The following NXPE4 variants were observed in gnomAD, a reference collection of about 807,000 sequenced individuals.
NXPE4 encodes neurexophilin and PC-esterase domain family member 4, also known as NXPE family member 4.
Under a neutral mutation model 33.3 loss-of-function variants are expected in NXPE4, and 42 were observed. The ratio of observed to expected loss-of-function variants is 1.26; its 90% CI spans 0.98 to 1.63. The LOEUF (loss-of-function observed/expected upper bound fraction) is 1.63. Ranked by LOEUF, NXPE4 falls within the 40% of genes most tolerant of loss-of-function variation. The pLI is 0.00. For missense variants in NXPE4, 709 were observed against 647.6 expected, an observed-to-expected ratio of 1.09 and a Z score of -1.03; for synonymous variants, 253 against 234.9, an observed-to-expected ratio of 1.08 and a Z score of -0.71.
At chr11:114,645,996 T>C in the NXPE4 span, among the ~76,000 whole-genome samples, 1 of 152,142 alleles carries the variant, frequency 6.6e-6, no homozygotes, top group African/African-American at 2.4e-5. Flanking sequence ...TTTATATCTA[T>C]TGGTTAGTAC....
the NXPE4 span, among the ~76,000 whole-genome samples, chr11:114,607,195 T>G: frequency 1.3e-5 from 2 of 151,914 alleles, no homozygotes; most frequent in Admixed American, 1.3e-4. Context: ...GTGACAATTC[T>G]TACCCTGTGG....
At chr11:114,614,025 C>T in the NXPE4 span, among the ~76,000 whole-genome samples, 12 of 151,684 alleles carry the variant, frequency 7.9e-5, no homozygotes, top group Admixed American at 1.3e-4. Context: ...AGTATTGTCT[C>T]GTGGGTAACC....
At chr11:114,612,165 T>C in the NXPE4 span, among the ~76,000 whole-genome samples, 1 of 151,702 alleles carries the variant, frequency 6.6e-6, no homozygotes, top group South Asian at 2.1e-4. Context: ...GCCCAGTGGA[T>C]AATAAGTGTT....
At chr11:114,572,942 A>T (rs1483917353) in intron 5 of NXPE4, among the ~76,000 whole-genome samples, 3 of 152,174 alleles carry the variant, frequency 2.0e-5, no homozygotes, top group Non-Finnish European at 4.4e-5. Flanking sequence ...TGAAGGAAAA[A>T]ATCTTAAGAG....
At chr11:114,583,045 T>C in intron 2 of NXPE4, 24 bp from the exon 3 acceptor site, 1 of 1,583,670 alleles carries the variant, frequency 6.3e-7, no homozygotes, top group Non-Finnish European at 8.6e-7. Context: ...AAATGTGACA[T>C]GAGATGGATA....
At chr11:114,660,276 G>A in the NXPE4 span, among the ~76,000 whole-genome samples, 5 of 151,720 alleles carry the variant, frequency 3.3e-5, no homozygotes, top group Non-Finnish European at 5.9e-5. Context: ...GAAAATAGAA[G>A]CACTTTGCAA....
the NXPE4 span, among the ~76,000 whole-genome samples, chr11:114,633,700 TGA>T: frequency 3.2e-3 from 488 of 150,706 alleles, 3 homozygotes; most frequent in African/African-American, 0.011. Flanking sequence ...CACCTATGAG[TGA>T]GAACATGTGG....
the NXPE4 span, among the ~76,000 whole-genome samples, chr11:114,636,352 C>G: frequency 2.0e-5 from 3 of 151,950 alleles, no homozygotes; most frequent in Admixed American, 1.3e-4. Flanking sequence ...ATTCTTCTCT[C>G]TTTTTTTCTT....
At chr11:114,605,040 G>A in the NXPE4 span, among the ~76,000 whole-genome samples, 1 of 151,580 alleles carries the variant, frequency 6.6e-6, no homozygotes, top group Admixed American at 6.6e-5. Flanking sequence ...TGGATAATAA[G>A]TACTGCCTCG....
chr11:114,575,433 T>A (rs1340745842), intron 5 of NXPE4, among the ~76,000 whole-genome samples: 1 of 152,044 alleles, frequency 6.6e-6, no homozygotes, highest in East Asian at 1.9e-4. Flanking sequence ...ATAGTATACC[T>A]AGAAAACCCT....
At chr11:114,641,283 A>T in the NXPE4 span, among the ~76,000 whole-genome samples, 1 of 152,164 alleles carries the variant, frequency 6.6e-6, no homozygotes, top group South Asian at 2.1e-4. Context: ...TATTTTAAAA[A>T]TTCCAGAAAG....
At chr11:114,650,466 G>T in the NXPE4 span, among the ~76,000 whole-genome samples, 1 of 152,158 alleles carries the variant, frequency 6.6e-6, no homozygotes, top group Non-Finnish European at 1.5e-5. Flanking sequence ...AGGCATGAAG[G>T]AAGTAATTGG....
At chr11:114,625,219 G>A in the NXPE4 span, among the ~76,000 whole-genome samples, 4 of 152,192 alleles carry the variant, frequency 2.6e-5, no homozygotes, top group South Asian at 8.3e-4. Flanking sequence ...ACTGTTACCT[G>A]TTGGATAATA....
chr11:114,630,102 T>A, the NXPE4 span, among the ~76,000 whole-genome samples: 1 of 151,692 alleles, frequency 6.6e-6, no homozygotes, highest in African/African-American at 2.4e-5. Flanking sequence ...CTGCCCAAGG[T>A]AATTTACAGA....
chr11:114,633,416 G>T, the NXPE4 span, among the ~76,000 whole-genome samples: 2 of 142,342 alleles, frequency 1.4e-5, no homozygotes, highest in Admixed American at 7.3e-5. Context: ...TTTATTATAT[G>T]TTATATACAA....
the NXPE4 span, among the ~76,000 whole-genome samples, chr11:114,612,377 A>C: frequency 6.6e-6 from 1 of 151,836 alleles, no homozygotes; most frequent in Non-Finnish European, 1.5e-5. Context: ...CCGATGGACA[A>C]TAAGTATTGC....
At chr11:114,644,868 C>A in the NXPE4 span, among the ~76,000 whole-genome samples, 1,334 of 151,792 alleles carry the variant, frequency 8.8e-3, 19 homozygotes, top group African/African-American at 0.031. Flanking sequence ...ATTTGCATAG[C>A]TATAAACAAA....
chr11:114,633,539 T>A, the NXPE4 span, among the ~76,000 whole-genome samples: 1 of 151,562 alleles, frequency 6.6e-6, no homozygotes, highest in South Asian at 2.1e-4. Flanking sequence ...TATATACATG[T>A]GCCATGCTTG....
chr11:114,656,734 A>T, the NXPE4 span, among the ~76,000 whole-genome samples: 2 of 152,168 alleles, frequency 1.3e-5, no homozygotes, highest in South Asian at 2.1e-4. Flanking sequence ...TATATGAAAA[A>T]TATTTGTAAT....
Sources: gnomAD v4.1 joint callset for allele counts (sites outside exome capture counted in the v4.1 genomes callset) on GRCh38, gnomAD v4.1.1 for gene constraint, MANE v1.5 for transcripts, NCBI Gene and HGNC (gene_info 2026-07-23, HGNC 2026-07-21) for gene names.